Variants in CCDC141 observed in about 807,000 individuals in gnomAD.
The protein encoded by CCDC141 is coiled-coil domain-containing protein 141.
CCDC141 carries 168 observed loss-of-function variants against 181.0 expected under a neutral mutation model. The ratio of observed to expected loss-of-function variants is 0.93; its 90% CI spans 0.82 to 1.05. The LOEUF (loss-of-function observed/expected upper bound fraction) is 1.05. CCDC141 is among the 50% of genes least tolerant of loss of function. The pLI is 0.00. For missense variants in CCDC141, 1,902 were observed against 1,788.5 expected, an observed-to-expected ratio of 1.06 and a Z score of -1.14; for synonymous variants, 666 against 642.3, an observed-to-expected ratio of 1.04 and a Z score of -0.56.
intron 6 of CCDC141, among the ~76,000 whole-genome samples, chr2:178,925,510 A>G (rs1307275470): frequency 6.6e-6 from 1 of 152,248 alleles, no homozygotes; most frequent in Non-Finnish European, 1.5e-5. Flanking sequence ...ATTGGAGCAC[A>G]AATGCATTTC....
intron 2 of CCDC141, among the ~76,000 whole-genome samples, chr2:178,989,789 A>G (rs1342662775): frequency 6.8e-6 from 1 of 147,614 alleles, no homozygotes; most frequent in Non-Finnish European, 1.5e-5. Flanking sequence ...CAAAAGTACA[A>G]TGAGATGTCA....
chr2:178,909,168 A>G (rs1558973135), intron 7 of CCDC141, among the ~76,000 whole-genome samples: 2 of 152,262 alleles, frequency 1.3e-5, no homozygotes, highest in Admixed American at 1.3e-4. Flanking sequence ...TAAAAGTATT[A>G]CTTCCTAATA....
intron 5 of CCDC141, among the ~76,000 whole-genome samples, chr2:178,948,765 T>C (rs1048537288): frequency 6.6e-6 from 1 of 152,186 alleles, no homozygotes; most frequent in Non-Finnish European, 1.5e-5. Flanking sequence ...CGTGTTCTCT[T>C]GCCTCCTCTC....
chr2:178,848,969 A>G (rs950275025), intron 21 of CCDC141, among the ~76,000 whole-genome samples: 1 of 152,208 alleles, frequency 6.6e-6, no homozygotes, highest in African/African-American at 2.4e-5. Flanking sequence ...CAAAAGAAAG[A>G]AAAAGCTATG....
chr2:178,908,226 C>T (rs1194707322), intron 7 of CCDC141, among the ~76,000 whole-genome samples: 15 of 152,084 alleles, frequency 9.9e-5, no homozygotes, highest in Non-Finnish European at 2.9e-5. Flanking sequence ...GACAGAGTCT[C>T]GCTCTGCCGC....
chr2:178,867,412 C>T (rs1027712930), intron 16 of CCDC141, among the ~76,000 whole-genome samples: 2 of 152,114 alleles, frequency 1.3e-5, no homozygotes, highest in African/African-American at 4.8e-5. Context: ...CAACTATGTC[C>T]AAATATCACC....
intron 6 of CCDC141, among the ~76,000 whole-genome samples, chr2:178,921,590 A>T (rs907621128): frequency 6.6e-6 from 1 of 152,016 alleles, no homozygotes; most frequent in African/African-American, 2.4e-5. Flanking sequence ...ACTTCTTGGC[A>T]TCTTTAATGT....
Position 178,834,407 on chromosome 2 carries a change from C to A in CCDC141, c.4359G>T (p.Gly1453=). 1 of 1,536,364 alleles carries A rather than the reference C, an allele frequency of 6.5e-7. No homozygotes were observed. Residue 1453 remains glycine, a synonymous_variant, in exon 24 of 24, where the codon GGG becomes GGT. Transcript: ENST00000443758. ...YKKGQKLSAD[G]HLQVLHKETR... Reference sequence around the variant, plus strand: ...TCTCCTTGTGTAAAACCTGTAAGTGCCCATCTGCAGACAATTTCTGGCCCT... The same window carrying A: ...TCTCCTTGTGTAAAACCTGTAAGTGACCATCTGCAGACAATTTCTGGCCCT...
chr2:178,939,866 T>G (rs1225745253), intron 6 of CCDC141, among the ~76,000 whole-genome samples: 1 of 152,086 alleles, frequency 6.6e-6, no homozygotes, highest in Non-Finnish European at 1.5e-5. Flanking sequence ...AGGGGTAAAT[T>G]AAAGCACTGG....
chr2:179,028,868 G>C (rs916373732), intron 2 of CCDC141, among the ~76,000 whole-genome samples: 2 of 152,080 alleles, frequency 1.3e-5, no homozygotes, highest in Admixed American at 1.3e-4. Context: ...TCCCATTCAA[G>C]TCCATCCCAC....
intron 5 of CCDC141, among the ~76,000 whole-genome samples, chr2:178,953,078 T>C (rs1430888618): frequency 6.6e-6 from 1 of 152,134 alleles, no homozygotes; most frequent in Non-Finnish European, 1.5e-5. Context: ...CTCCAAGTAG[T>C]TGGAGTCAAA....
intron 17 of CCDC141, among the ~76,000 whole-genome samples, chr2:178,860,422 A>G (rs1347576768): frequency 6.6e-6 from 1 of 150,996 alleles, no homozygotes; most frequent in Non-Finnish European, 1.5e-5. Context: ...AATCACAGCT[A>G]CTCAGGAGGC....
At chr2:178,920,146 C>A (rs941480265) in intron 6 of CCDC141, among the ~76,000 whole-genome samples, 4 of 152,106 alleles carry the variant, frequency 2.6e-5, no homozygotes, top group Non-Finnish European at 4.4e-5. Flanking sequence ...CTTCTGGTAT[C>A]CATATAAGCT....
In CCDC141 at chr2:178,871,520, T is replaced by C. The variant is rs776526362; in HGVS notation, c.2112A>G (p.Ala704=). 10 of 1,613,906 alleles carry C rather than the reference T, an allele frequency of 6.2e-6. No homozygotes were observed. Among genetic ancestry groups the C allele is most frequent in the Non-Finnish European group, 8.5e-6 (10 of 1,179,900 alleles). The change falls in exon 14 of 24, where the codon GCA becomes GCG. Residue 704 remains alanine (A), a synonymous_variant. Transcript: ENST00000443758. The part of the protein sequence containing the change: ...TSHNLKLLQE[A]LMPVSALDLG... ...GGTCAAGTGCAGACACAGGCATAAGTGCTTCCTGAAGAAGTTTTAAGTTGT... is the reference window on the plus strand; with the variant it reads ...GGTCAAGTGCAGACACAGGCATAAGCGCTTCCTGAAGAAGTTTTAAGTTGT...
chr2:178,819,854 T>G, the CCDC141 span, among the ~76,000 whole-genome samples: 6 of 152,168 alleles, frequency 3.9e-5, no homozygotes, highest in African/African-American at 1.2e-4. Context: ...TTTTAATACA[T>G]ATACAGATAT....
chr2:178,986,754 G>A (rs368946547), intron 2 of CCDC141, among the ~76,000 whole-genome samples: 1 of 151,762 alleles, frequency 6.6e-6, no homozygotes, highest in Admixed American at 6.6e-5. Context: ...GGAATCCAAC[G>A]TACAAGGGAT....
At chr2:179,017,484 A>C (rs368559248) in intron 2 of CCDC141, among the ~76,000 whole-genome samples, 1 of 152,054 alleles carries the variant, frequency 6.6e-6, no homozygotes, top group Non-Finnish European at 1.5e-5. Context: ...CCTTCCTTAA[A>C]TCCTCATTCC....
intron 6 of CCDC141, among the ~76,000 whole-genome samples, chr2:178,943,452 A>C (rs913865824): frequency 1.3e-5 from 2 of 152,152 alleles, no homozygotes; most frequent in Non-Finnish European, 2.9e-5. Flanking sequence ...AAAAGATTTA[A>C]GTCTAAATAA....
intron 2 of CCDC141, among the ~76,000 whole-genome samples, chr2:179,024,762 G>C (rs2042785733): frequency 6.6e-6 from 1 of 152,206 alleles, no homozygotes; most frequent in Admixed American, 6.5e-5. Context: ...ATGGGACCCT[G>C]AATATTTTTG....
Sources: allele counts gnomAD v4.1 joint callset (sites outside exome capture counted in the v4.1 genomes callset), GRCh38; gene constraint gnomAD v4.1.1; transcripts MANE v1.5; gene names NCBI Gene and HGNC (gene_info 2026-07-23, HGNC 2026-07-21).